PHACTR3: variants seen among roughly 807,000 people sequenced by gnomAD.
PHACTR3 encodes protein phosphatase 1, regulatory subunit 123.
In PHACTR3, 16 loss-of-function variants were observed where a neutral mutation model predicts 66.8. The observed-to-expected ratio is 0.24, with a 90% CI of 0.16 to 0.36. The LOEUF is 0.36. Among genes scored for constraint, PHACTR3 ranks in the 10% least tolerant of loss-of-function variants. The probability of loss-of-function intolerance (pLI) is 1.00; values close to 1 mark genes in which losing one functional copy is unlikely to be tolerated. For synonymous variants in PHACTR3, 323 were observed against 292.1 expected, an observed-to-expected ratio of 1.11 and a Z score of -1.08; for missense variants, 647 against 719.9, an observed-to-expected ratio of 0.90 and a Z score of 1.16.
intron 1 of PHACTR3, among the ~76,000 whole-genome samples, chr20:59,686,972 T>C (rs927087195): frequency 4.1e-4 from 62 of 151,212 alleles, no homozygotes; most frequent in African/African-American, 1.4e-3. Flanking sequence ...ATGGTGATTG[T>C]GATGATGGTG....
intron 1 of PHACTR3, among the ~76,000 whole-genome samples, chr20:59,584,143 TCAGTGCC>T (rs2032946547): frequency 6.6e-6 from 1 of 152,222 alleles, no homozygotes; most frequent in Non-Finnish European, 1.5e-5. Flanking sequence ...ACTCAGTGCC[TCAGTGCC>T]TCAGTGCCTT....
intron 1 of PHACTR3, among the ~76,000 whole-genome samples, chr20:59,586,197 C>T (rs2146305503): frequency 6.6e-6 from 1 of 152,334 alleles, no homozygotes; most frequent in East Asian, 1.9e-4. Context: ...CTTCCTGCCT[C>T]CTGCACATTG....
At chr20:59,707,906 C>T (rs1408318249) in intron 1 of PHACTR3, among the ~76,000 whole-genome samples, 1 of 152,198 alleles carries the variant, frequency 6.6e-6, no homozygotes, top group Non-Finnish European at 1.5e-5. Context: ...CCAAATAAAC[C>T]TCTTTTCTTT....
intron 1 of PHACTR3, among the ~76,000 whole-genome samples, chr20:59,700,830 T>C (rs1298874883): frequency 6.6e-6 from 1 of 152,170 alleles, no homozygotes; most frequent in Non-Finnish European, 1.5e-5. Flanking sequence ...TGCTCCATCA[T>C]CTAGGCAGGA....
At chr20:59,660,419 G>A (rs577402830) in intron 1 of PHACTR3, among the ~76,000 whole-genome samples, 157 of 152,342 alleles carry the variant, frequency 1.0e-3, no homozygotes, top group Non-Finnish European at 1.8e-3. Flanking sequence ...GCGTGAATCC[G>A]GGAGGCGGAG....
At chr20:59,577,697 C>A (rs1236432939) in intron 1 of PHACTR3, 24 of 960,696 alleles carry the variant, frequency 2.5e-5, no homozygotes, top group South Asian at 5.1e-5. Context: ...GGGGACGACT[C>A]CTCCTGAATC....
chr20:59,646,316 G>A (rs1291563192), intron 1 of PHACTR3, among the ~76,000 whole-genome samples: 4 of 152,170 alleles, frequency 2.6e-5, no homozygotes, highest in African/African-American at 9.7e-5. Context: ...AAAAAATTGG[G>A]TTGGTTCTGG....
At chr20:59,689,182 A>G (rs1460025346) in intron 1 of PHACTR3, among the ~76,000 whole-genome samples, 5 of 152,208 alleles carry the variant, frequency 3.3e-5, no homozygotes, top group African/African-American at 1.2e-4. Context: ...GAGGGCAGAA[A>G]CAAGGAACAG....
chr20:59,762,380 C>G (rs535896634), intron 4 of PHACTR3, among the ~76,000 whole-genome samples: 1 of 152,350 alleles, frequency 6.6e-6, no homozygotes, highest in African/African-American at 2.4e-5. Flanking sequence ...ATCCAGAGCT[C>G]CCCTGTCCAG....
chr20:59,578,973 C>T (rs1425115186), intron 1 of PHACTR3, among the ~76,000 whole-genome samples: 1 of 152,140 alleles, frequency 6.6e-6, no homozygotes, highest in Non-Finnish European at 1.5e-5. Flanking sequence ...AGATGAGGCC[C>T]CTCTAGGGTG....
chr20:59,590,590 A>G (rs1222438585), intron 1 of PHACTR3, among the ~76,000 whole-genome samples: 1 of 152,158 alleles, frequency 6.6e-6, no homozygotes. Flanking sequence ...GCCTGAGGGG[A>G]CAGATCCACG....
intron 1 of PHACTR3, among the ~76,000 whole-genome samples, chr20:59,666,814 G>T (rs538857500): frequency 1.6e-4 from 25 of 152,354 alleles, no homozygotes; most frequent in African/African-American, 5.8e-4. Context: ...TCGCGGTCCA[G>T]GTCCTGAGAT....
intron 6 of PHACTR3, among the ~76,000 whole-genome samples, chr20:59,773,980 C>G (rs1023742511): frequency 1.3e-5 from 2 of 152,202 alleles, no homozygotes; most frequent in African/African-American, 4.8e-5. Context: ...TTGTGAAGTC[C>G]TCGCCCTGAA....
chr20:59,743,082 G>T (rs1340726477), intron 1 of PHACTR3, 25 bp from the exon 2 acceptor site: 10 of 1,603,384 alleles, frequency 6.2e-6, no homozygotes, highest in Admixed American at 1.7e-5. Flanking sequence ...GCCACTTGAG[G>T]ACCCCCTTGG....
At chr20:59,599,874 G>A (rs2146323902), upstream of PHACTR3, among the ~76,000 whole-genome samples, 1 of 152,170 alleles carries the variant, frequency 6.6e-6, no homozygotes. Flanking sequence ...ATGATTTCCA[G>A]CCTCCTGGTC....
chr20:59,604,910 T>TTG lies in PHACTR3; in HGVS notation c.-104_-103insGT. ...TTTTTTTTTTTTTTTAATTTTCTTTTTTAAAAAGACGCCCCCTCCAGCCCC... is the reference window on the plus strand; with the variant it reads ...TTTTTTTTTTTTTTTAATTTTCTTTTTGTTAAAAAGACGCCCCCTCCAGCCCC... On this transcript the variant is annotated 5_prime_UTR_variant, in exon 1 of 13. Coordinates refer to ENST00000371015, the MANE Select transcript of PHACTR3 (RefSeq NM_080672.5). 1 of 1,204,090 alleles carries TTG rather than the reference T, an allele frequency of 8.3e-7. No homozygotes were observed. The highest frequency in any genetic ancestry group is 1.0e-6 in the Non-Finnish European group (1 of 970,000). The allele number at this position is 1,204,090 out of a possible 1,614,324, so 74.6% of individuals were successfully genotyped here.
chr20:59,779,666 G>A (rs1242675752), intron 7 of PHACTR3, among the ~76,000 whole-genome samples: 3 of 152,218 alleles, frequency 2.0e-5, no homozygotes, highest in Middle Eastern at 3.2e-3. Flanking sequence ...CTTATCCCAT[G>A]TGAAAAAGAA....
At chr20:59,731,953 G>T (rs1189072525) in intron 1 of PHACTR3, among the ~76,000 whole-genome samples, 1 of 152,114 alleles carries the variant, frequency 6.6e-6, no homozygotes, top group Non-Finnish European at 1.5e-5. Context: ...CTTAGTCCTG[G>T]GTTTATTGCT....
intron 1 of PHACTR3, among the ~76,000 whole-genome samples, chr20:59,578,989 C>T (rs906417128): frequency 2.6e-5 from 4 of 152,196 alleles, no homozygotes; most frequent in African/African-American, 9.6e-5. Context: ...GGGTGCTCCC[C>T]TCTAATGGGG....
Sources: gnomAD v4.1 joint callset for allele counts (sites outside exome capture counted in the v4.1 genomes callset) on GRCh38, gnomAD v4.1.1 for gene constraint, MANE v1.5 for transcripts, NCBI Gene and HGNC (gene_info 2026-07-23, HGNC 2026-07-21) for gene names.